Variants in MFGE8 observed in about 807,000 individuals in gnomAD.
MFGE8 encodes milk fat globule EGF and factor V/VIII domain containing.
MFGE8 carries 34 observed loss-of-function variants against 42.6 expected under a neutral mutation model. That is an observed-to-expected ratio of 0.80 (90% CI 0.61 to 1.06). The LOEUF is 1.06. MFGE8 is among the 50% of genes least tolerant of loss of function. MFGE8 has a pLI of 0.00. For missense variants in MFGE8, 510 were observed against 516.9 expected, an observed-to-expected ratio of 0.99 and a Z score of 0.13; for synonymous variants, 230 against 214.8, an observed-to-expected ratio of 1.07 and a Z score of -0.62.
At chr15:88,901,512 A>AAACCCACCCC in intron 6 of MFGE8, 39 bp downstream of exon 6, 1 of 667,136 alleles carries the variant, frequency 1.5e-6, no homozygotes, top group Non-Finnish European at 2.7e-6. Flanking sequence ...ACCTCATCCC[A>AAACCCACCCC]CCCAACCCCA....
intron 2 of MFGE8, 138 bp downstream of exon 2, chr15:88,909,654 C>A: frequency 1.6e-6 from 2 of 1,255,684 alleles, no homozygotes; most frequent in Non-Finnish European, 1.2e-6. Flanking sequence ...CTCTGAGTCT[C>A]CCCAGAGGAG....
At position 88,900,157 on chromosome 15, in the gene MFGE8, G is replaced by A. The variant is rs575909832; in HGVS notation, c.871-346C>T. On this transcript the variant is annotated intron_variant, in intron 6 of 7. Coordinates refer to ENST00000268150, the MANE Select transcript of MFGE8 (RefSeq NM_005928.4). Reference sequence around the variant, plus strand: ...CTAGGGAGGCTGAGTCAGAAGAACCGCTTGAACCTGGGAGGCGGAGGTTGC... The same window carrying A: ...CTAGGGAGGCTGAGTCAGAAGAACCACTTGAACCTGGGAGGCGGAGGTTGC... Among the ~76,000 whole-genome samples, 284 of 151,512 alleles carry A rather than the reference G, an allele frequency of 1.9e-3. 2 individuals are homozygous for A. The highest frequency in any genetic ancestry group is 2.6e-3 in the Non-Finnish European group (176 of 67,922).
rs1327211451 is a variant in MFGE8, at chr15:88,913,272, G to A, written c.48C>T (p.Cys16=). 1.3e-5 allele frequency: 19 copies of A among 1,496,992 alleles called. No homozygotes were observed. Among genetic ancestry groups the A allele is most frequent in the Non-Finnish European group, 1.7e-5 (19 of 1,131,312 alleles). 92.7% of individuals were successfully genotyped at this position (1,496,992 alleles called of 1,614,324 possible). ...CCAGGGCGACGAGGAGGCTGGGGGC[G>A]CAGAGCAGCGCGCCGCACAGCGCGG... is the stretch of plus-strand genomic sequence containing the variant. ...LLAALCGALL[C]APSLLVALDI... is the part of the protein sequence containing the mutation. The change falls in exon 1 of 8, where the codon TGC becomes TGT. Residue 16 remains cysteine, a synonymous_variant. Coordinates refer to ENST00000268150, the MANE Select transcript of MFGE8 (RefSeq NM_005928.4).
rs1251032818 is a variant in MFGE8, at chr15:88,906,671, A to G, written c.495T>C (p.Asn165=). 2 of 1,613,884 alleles carry G rather than the reference A, an allele frequency of 1.2e-6. No homozygotes were observed. Among genetic ancestry groups the G allele is most frequent in the African/African-American group, 1.3e-5 (1 of 74,884 alleles). Residue 165 remains asparagine, a synonymous_variant, in exon 4 of 8, where the codon AAT becomes AAC. Transcript: ENST00000268150. The surrounding 1 kb of genome is among the most constrained non-coding windows in gnomAD (Gnocchi z 4.2). ...CATGGATGAAATCGAATTCGTGTCC[A>G]TTAAGGCTGTAGGCCACCTTGAAGG... ...LKAFKVAYSL[N]GHEFDFIHDV...
intron 2 of MFGE8, 133 bp from the exon 3 acceptor site, chr15:88,907,509 C>G (rs1898748322): frequency 1.2e-6 from 1 of 821,280 alleles, no homozygotes; most frequent in Non-Finnish European, 2.1e-6. Context: ...CTCAGAGCCT[C>G]TCTCAGAACA....
At chr15:88,911,679 A>T (rs149641071) in intron 1 of MFGE8, among the ~76,000 whole-genome samples, 1 of 152,060 alleles carries the variant, frequency 6.6e-6, no homozygotes, top group African/African-American at 2.4e-5. Context: ...GTGAGCCAAG[A>T]CCGCGCCACT....
rs937469643 is a variant in MFGE8 at position 88,912,814 on chromosome 15, A to T, written c.73+433T>A. On this transcript the variant is annotated intron_variant, in intron 1 of 7. Transcript: ENST00000268150. ...AAAAATCCAATGAACTGTCCAGCCA[A>T]CTGGAGTTGGCAGGGAGATGGCCAG... 2.2e-5 allele frequency: 22 copies of T among 985,308 alleles called. No individual in the cohort carries two copies. The African/African-American group carries it at 3.8e-4, about 17-fold the overall frequency. 61.0% of individuals were successfully genotyped at this position (985,308 alleles called of 1,614,324 possible).
intron 2 of MFGE8, among the ~76,000 whole-genome samples, chr15:88,909,353 C>G (rs915686603): frequency 1.3e-5 from 2 of 152,232 alleles, no homozygotes; most frequent in African/African-American, 4.8e-5. Flanking sequence ...CTGTCAGACT[C>G]TGAAACCAAG....
In MFGE8 at chr15:88,901,752, C is replaced by T. The variant is rs1898446496; in HGVS notation, c.686-17G>A. The T allele has an allele frequency of 6.2e-7, 1 of 1,613,652 alleles. No individual in the cohort carries two copies. The highest frequency in any genetic ancestry group is 1.3e-5 in the African/African-American group (1 of 74,854). The stretch of plus-strand genomic sequence containing the variant: ...TGGCGCATCCTGCCAGCAAGGTGGG[C>T]TGTCATCTGGATCTGGGATCCACAG... On this transcript the variant is annotated splice_polypyrimidine_tract_variant and intron_variant, in intron 5 of 7. Coordinates refer to ENST00000268150, the MANE Select transcript of MFGE8 (RefSeq NM_005928.4).
rs1898324977 is a variant in MFGE8, at chr15:88,900,842, G to A, written c.870+709C>T. 2.0e-5 allele frequency: 15 copies of A among 747,292 alleles called. No homozygotes were observed. In the South Asian group the frequency reaches 7.9e-4, roughly 39 times the overall value. The allele number at this position is 747,292 out of a possible 1,614,324, so 46.3% of individuals were successfully genotyped here. A position where few individuals can be genotyped will look rare whatever the true frequency, so the allele number is the denominator to read the frequency against. On this transcript the variant is annotated intron_variant, in intron 6 of 7. Transcript: ENST00000268150. ...GAATATGTATGCTGTGCTCAAGGGA[G>A]AGGTCCCAAGATGCCTGGGTCATGT...
intron 6 of MFGE8, among the ~76,000 whole-genome samples, chr15:88,901,329 A>ATT (rs1567215086): frequency 2.6e-5 from 4 of 151,544 alleles, no homozygotes; most frequent in Non-Finnish European, 5.9e-5. Flanking sequence ...TCACACACAC[A>ATT]CACACATACA....
intron 1 of MFGE8, chr15:88,910,512 C>T (rs1898907235): frequency 5.6e-6 from 1 of 177,124 alleles, no homozygotes; most frequent in Non-Finnish European, 1.2e-5. Flanking sequence ...TCAGATGCAG[C>T]GCAGGCCTCA....
rs539451335 is a variant in MFGE8 at position 88,908,294 on chromosome 15, C to T, written c.206-918G>A. On this transcript the variant is annotated intron_variant, in intron 2 of 7. Transcript: ENST00000268150. ...CAGGCGCGGACGAGCTCAGTGTTAG[C>T]GCACTCTGGCAGGGAGGGGAACGCG... is the stretch of plus-strand genomic sequence containing the variant. Among the ~76,000 whole-genome samples, 6 of 152,288 alleles carry T rather than the reference C, an allele frequency of 3.9e-5. No individual in the cohort carries two copies. In the East Asian group the frequency reaches 9.7e-4, roughly 25 times the overall value.
At chr15:88,912,855 A>T (rs1298207161) in intron 1 of MFGE8, 1 of 985,330 alleles carries the variant, frequency 1.0e-6, no homozygotes, top group African/African-American at 1.7e-5. Flanking sequence ...AGTTATCCAG[A>T]CAAGACTTAT....
In MFGE8 at chr15:88,906,575, C is replaced by T; in HGVS notation, c.540+51G>A. ...TGGGGGTCCTCAGTCAATGCTAGAA[C>T]CTTAGGGGGTATGGACCACAGCCCT... On this transcript the variant is annotated intron_variant, in intron 4 of 7. Transcript: ENST00000268150. The surrounding 1 kb of genome is among the most constrained non-coding windows in gnomAD (Gnocchi z 4.2). 2 of 1,610,428 alleles carry T rather than the reference C, an allele frequency of 1.2e-6. No homozygotes were observed. Among genetic ancestry groups the T allele is most frequent in the Middle Eastern group, 1.7e-4 (1 of 6,040 alleles).
chr15:88,906,506 A>C lies in MFGE8; in HGVS notation c.540+120T>G, dbSNP rs1898682025. The C allele has an allele frequency of 8.5e-7, 1 of 1,180,818 alleles. No individual in the cohort carries two copies. Among genetic ancestry groups the C allele is most frequent in the East Asian group, 2.3e-5 (1 of 42,642 alleles). The allele number at this position is 1,180,818 out of a possible 1,614,324, so 73.1% of individuals were successfully genotyped here. The stretch of plus-strand genomic sequence containing the variant: ...ATTTCTAGAAGCCAAGATGCACCCG[A>C]AGACCCACATCATAGCCAATCACCT... On this transcript the variant is annotated intron_variant, in intron 4 of 7. Coordinates refer to ENST00000268150, the MANE Select transcript of MFGE8 (RefSeq NM_005928.4). This position sits in a 1 kb window ranked among gnomAD's most constrained non-coding sequence, Gnocchi z 4.2.
Position 88,899,943 on chromosome 15 carries a change from A to G in MFGE8, c.871-132T>C. 9.2e-7 allele frequency: 1 copy of G among 1,083,056 alleles called. No individual in the cohort carries two copies. The highest frequency in any genetic ancestry group is 1.4e-6 in the Non-Finnish European group (1 of 725,284). The allele number at this position is 1,083,056 out of a possible 1,614,324, so 67.1% of individuals were successfully genotyped here. On this transcript the variant is annotated intron_variant, in intron 6 of 7. Coordinates refer to ENST00000268150, the MANE Select transcript of MFGE8 (RefSeq NM_005928.4). The surrounding 1 kb of genome is among the most constrained non-coding windows in gnomAD (Gnocchi z 6.8). ...GGTGAGCCTCAGTTTCTTTGGCTAT[A>G]AAATGGGCATAAGGCCGGACATGGT... is the stretch of plus-strand genomic sequence containing the variant.
At chr15:88,909,957 TCAGGAAGGAG>T (rs1567024766) in intron 1 of MFGE8, 34 bp from the exon 2 acceptor site, 1 of 1,613,100 alleles carries the variant, frequency 6.2e-7, no homozygotes, top group Non-Finnish European at 8.5e-7. Context: ...GAGCAGATGA[TCAGGAAGGAG>T]CTGGGGACAC....
At position 88,909,804 on chromosome 15, in the gene MFGE8, G is replaced by A. The variant is rs199516799; in HGVS notation, c.193C>T (p.His65Tyr). 6.2e-7 allele frequency: 1 copy of A among 1,614,176 alleles called. No homozygotes were observed. The highest frequency in any genetic ancestry group is 2.2e-5 in the East Asian group (1 of 44,890). Residue 65 changes from histidine to tyrosine, a missense_variant, in exon 2 of 8, where the codon CAC becomes TAC. His to Tyr is a moderately conservative substitution (Grantham distance 83). Coordinates refer to ENST00000268150, the MANE Select transcript of MFGE8 (RefSeq NM_005928.4). ...CCCACATACTCACTCGTCTCACAGTGGTTGCCCGCGTAGCCCTTAAGGCAC... is the reference window on the plus strand; with the variant it reads ...CCCACATACTCACTCGTCTCACAGTAGTTGCCCGCGTAGCCCTTAAGGCAC... ...CTCLKGYAGN[H>Y]CETKCVEPLG...
Sources: allele counts gnomAD v4.1 joint callset (sites outside exome capture counted in the v4.1 genomes callset), GRCh38; gene constraint gnomAD v4.1.1; non-coding constraint Gnocchi (gnomAD v3.1); transcripts MANE v1.5; gene names NCBI Gene and HGNC (gene_info 2026-07-23, HGNC 2026-07-21).